NRG3: variants seen among roughly 807,000 people sequenced by gnomAD.
The protein encoded by NRG3 is neuregulin 3.
A neutral mutation model predicts 66.9 loss-of-function variants in NRG3; 31 were observed. That is an observed-to-expected ratio of 0.46 (90% CI 0.35 to 0.63). The LOEUF (loss-of-function observed/expected upper bound fraction) is 0.63, where lower values mean the gene tolerates loss of function less well. Ranked by LOEUF, NRG3 falls within the 20% of genes least tolerant of loss-of-function variation. The pLI, the probability that NRG3 is intolerant of heterozygous loss-of-function variation, is 0.00. For missense variants in NRG3, 910 were observed against 878.9 expected, an observed-to-expected ratio of 1.04 and a Z score of -0.45; for synonymous variants, 393 against 359.4, an observed-to-expected ratio of 1.09 and a Z score of -1.06.
intron 1 of NRG3, among the ~76,000 whole-genome samples, chr10:82,005,241 C>G (rs1398023408): frequency 2.0e-5 from 3 of 152,322 alleles, no homozygotes; most frequent in Non-Finnish European, 4.4e-5. Context: ...TGACTCTATG[C>G]TGGTCCATTA....
intron 1 of NRG3, among the ~76,000 whole-genome samples, chr10:82,184,995 A>G (rs978924185): frequency 6.6e-6 from 1 of 152,164 alleles, no homozygotes; most frequent in African/African-American, 2.4e-5. Flanking sequence ...AGCTTTACAC[A>G]GTGCAAGTAA....
chr10:82,626,594 A>G (rs1052638719), intron 2 of NRG3, among the ~76,000 whole-genome samples: 1 of 152,168 alleles, frequency 6.6e-6, no homozygotes, highest in Non-Finnish European at 1.5e-5. Flanking sequence ...AGTAGAGAGC[A>G]TTACCTTTAA....
intron 2 of NRG3, among the ~76,000 whole-genome samples, chr10:82,536,441 A>C (rs117681297): frequency 0.022 from 3,413 of 152,294 alleles, 61 homozygotes; most frequent in Non-Finnish European, 0.037. Context: ...TCTATTTTAC[A>C]AACAGCATAT....
intron 1 of NRG3, among the ~76,000 whole-genome samples, chr10:82,229,851 C>T (rs2076365181): frequency 6.6e-6 from 1 of 151,862 alleles, no homozygotes; most frequent in Admixed American, 6.6e-5. Flanking sequence ...AATGTTACAT[C>T]CAAAGTTACA....
rs576243451 is a variant in NRG3, at chr10:82,466,185, AC to A, written c.953+107319del. Reference sequence around the variant, plus strand: ...TGACTATTCCTCCTCTTCTCCTCCAACCTCTGTCTCTTCTACTTGGTACAGC... The same window carrying A: ...TGACTATTCCTCCTCTTCTCCTCCAACTCTGTCTCTTCTACTTGGTACAGC... On this transcript the variant is annotated intron_variant, in intron 2 of 8. Coordinates refer to ENST00000372141, the MANE Select transcript of NRG3 (RefSeq NM_001010848.4). 3.5e-3 allele frequency among the ~76,000 whole-genome samples: 536 copies of A among 151,526 alleles called. 2 individuals carry two copies. Among genetic ancestry groups the A allele is most frequent in the Non-Finnish European group, 5.9e-3 (399 of 67,886 alleles).
intron 3 of NRG3, among the ~76,000 whole-genome samples, chr10:82,845,709 A>C (rs1478228787): frequency 6.6e-6 from 1 of 152,236 alleles, no homozygotes; most frequent in African/African-American, 2.4e-5. Context: ...GATATGGAAG[A>C]GTATAAATAT....
At chr10:82,303,960 A>G (rs1481353872) in intron 1 of NRG3, among the ~76,000 whole-genome samples, 8 of 152,210 alleles carry the variant, frequency 5.3e-5, no homozygotes, top group Admixed American at 5.2e-4. Context: ...AAATGTTGCT[A>G]TCACAAGCAA....
In NRG3 at chr10:81,915,496, G is replaced by GTTTTTTTTTTTTT. The variant is rs78693924; in HGVS notation, c.823+39335_823+39347dup. Reference sequence around the variant, plus strand: ...GTTAAAGTCAGCTCACACTTCTTTAGTTTTTTTTTTTTTTGCCAAAACACA... The same window carrying GTTTTTTTTTTTTT: ...GTTAAAGTCAGCTCACACTTCTTTAGTTTTTTTTTTTTTTTTTTTTTTTTTTTGCCAAAACACA... On this transcript the variant is annotated intron_variant, in intron 1 of 8. Coordinates refer to ENST00000372141, the MANE Select transcript of NRG3 (RefSeq NM_001010848.4). 1.2e-3 allele frequency among the ~76,000 whole-genome samples: 163 copies of GTTTTTTTTTTTTT among 130,718 alleles called. 8 individuals are homozygous for GTTTTTTTTTTTTT. Among genetic ancestry groups the GTTTTTTTTTTTTT allele is most frequent in the African/African-American group, 4.2e-3 (136 of 32,756 alleles). 85.8% of individuals were successfully genotyped at this position (130,718 alleles called of 152,430 possible).
intron 1 of NRG3, among the ~76,000 whole-genome samples, chr10:82,065,630 C>T (rs2064411913): frequency 1.3e-5 from 2 of 152,012 alleles, no homozygotes; most frequent in African/African-American, 2.4e-5. Context: ...TTGGGGTTAT[C>T]AGTAGAGAGT....
chr10:81,969,102 A>G (rs559970632), intron 1 of NRG3, among the ~76,000 whole-genome samples: 4 of 152,106 alleles, frequency 2.6e-5, no homozygotes, highest in Non-Finnish European at 5.9e-5. Flanking sequence ...TGTTGAACAG[A>G]TTATGAGGGG....
At chr10:82,264,185 A>T (rs545372158) in intron 1 of NRG3, among the ~76,000 whole-genome samples, 2 of 152,320 alleles carry the variant, frequency 1.3e-5, no homozygotes, top group Non-Finnish European at 2.9e-5. Flanking sequence ...GCTAATAAAG[A>T]CATACCTGAG....
chr10:82,575,113 T>C (rs12269717), intron 2 of NRG3, among the ~76,000 whole-genome samples: 39,479 of 151,640 alleles, frequency 0.26, 5,471 homozygotes, highest in East Asian at 0.34. Flanking sequence ...GTAATACATA[T>C]GTTAATTAGC....
intron 2 of NRG3, among the ~76,000 whole-genome samples, chr10:82,636,678 G>A (rs191882715): frequency 6.6e-6 from 1 of 151,994 alleles, no homozygotes; most frequent in Admixed American, 6.6e-5. Context: ...CCATATCTTG[G>A]CTATTCTAAA....
At chr10:82,345,604 G>A (rs1210980409) in intron 1 of NRG3, among the ~76,000 whole-genome samples, 2 of 151,334 alleles carry the variant, frequency 1.3e-5, no homozygotes, top group African/African-American at 4.9e-5. Context: ...TGTGAAGAAA[G>A]TCATTGGTAG....
At chr10:82,233,025 T>A (rs1314082381) in intron 1 of NRG3, 2 of 539,380 alleles carry the variant, frequency 3.7e-6, no homozygotes, top group Middle Eastern at 4.2e-4. Context: ...GAAATGTGGC[T>A]CTGGGTTGGT....
intron 1 of NRG3, among the ~76,000 whole-genome samples, chr10:82,192,443 G>C (rs1424506756): frequency 6.6e-6 from 1 of 152,150 alleles, no homozygotes; most frequent in Non-Finnish European, 1.5e-5. Context: ...TATTGAAAGA[G>C]GGCTGCTGTG....
Position 82,738,525 on chromosome 10 carries a change from TAA to T in NRG3, c.954-51_954-50del, listed in dbSNP as rs2058264907. The T allele has an allele frequency of 5.7e-6, 8 of 1,414,678 alleles. No individual in the cohort carries two copies. In the South Asian group the frequency reaches 8.0e-5, roughly 14 times the overall value. The allele number at this position is 1,414,678 out of a possible 1,614,324, so 87.6% of individuals were successfully genotyped here. On this transcript the variant is annotated intron_variant, in intron 2 of 8. Coordinates refer to ENST00000372141, the MANE Select transcript of NRG3 (RefSeq NM_001010848.4). ...ATGGCTATTTTACTTGTTGAAATCT[TAA>T]GTCTTTCACAACCACATGCGTATGT...
rs145645685 is a variant in NRG3, at chr10:82,958,093, C to T, written c.1158-856C>T. Among the ~76,000 whole-genome samples, 735 of 152,306 alleles carry T rather than the reference C, an allele frequency of 4.8e-3. 6 individuals carry two copies. The highest frequency in any genetic ancestry group is 0.017 in the African/African-American group (697 of 41,562). ...CACACAGGAGCACTTTACTTGAAGTCCAGAACCCTACAGCAGTTTCAGCCT... is the reference window on the plus strand; with the variant it reads ...CACACAGGAGCACTTTACTTGAAGTTCAGAACCCTACAGCAGTTTCAGCCT... On this transcript the variant is annotated intron_variant, in intron 5 of 8. Coordinates refer to ENST00000372141, the MANE Select transcript of NRG3 (RefSeq NM_001010848.4).
At chr10:82,350,141 T>C (rs561347355) in intron 1 of NRG3, among the ~76,000 whole-genome samples, 2 of 152,314 alleles carry the variant, frequency 1.3e-5, no homozygotes, top group East Asian at 3.9e-4. Context: ...AAAAAAACCT[T>C]GATTATTAGC....
Sources: gnomAD v4.1 joint callset for allele counts (sites outside exome capture counted in the v4.1 genomes callset) on GRCh38, gnomAD v4.1.1 for gene constraint, MANE v1.5 for transcripts, NCBI Gene and HGNC (gene_info 2026-07-23, HGNC 2026-07-21) for gene names.